The following PLPPR4 variants were observed in gnomAD, a reference collection of about 807,000 sequenced individuals.
PLPPR4 encodes the protein phospholipid phosphatase related 4, also known as phospholipid phosphatase-related protein type 4.
PLPPR4 carries 24 observed loss-of-function variants against 56.6 expected under a neutral mutation model. The observed-to-expected ratio is 0.42, with a 90% CI of 0.31 to 0.60. The LOEUF is 0.60. Among genes scored for constraint, PLPPR4 ranks in the 20% least tolerant of loss-of-function variants. The pLI is 0.13. For synonymous variants in PLPPR4, 326 were observed against 328.1 expected (o/e 0.99, Z 0.07); for missense variants, 654 against 885.8 (o/e 0.74, Z 3.32).
chr1:99,300,846 T>G, intron 4 of PLPPR4, 63 bp from the exon 5 acceptor site: 137 of 1,232,908 alleles, frequency 1.1e-4, no homozygotes, highest in Middle Eastern at 1.9e-4. Context: ...TCAGTGTCTT[T>G]GAGATGATTG....
At chr1:99,302,776 A>G (rs819916) in intron 6 of PLPPR4, among the ~76,000 whole-genome samples, 76,998 of 147,774 alleles carry the variant, frequency 0.52, 20,563 homozygotes, top group African/African-American at 0.64. Flanking sequence ...TTGGTTTTTT[A>G]TCTTTGTGAT....
In PLPPR4 at chr1:99,301,496, T is replaced by C. The variant is rs535651357; in HGVS notation, c.649-228T>C. Among the ~76,000 whole-genome samples the C allele has an allele frequency of 3.9e-5, 6 of 152,156 alleles. No individual in the cohort carries two copies. The East Asian group carries it at 1.2e-3, about 29-fold the overall frequency. On this transcript the variant is annotated intron_variant, in intron 5 of 6. Coordinates refer to ENST00000370185, the MANE Select transcript of PLPPR4 (RefSeq NM_014839.5). ...GAGACTAAACAGTTAAATGGTTAAC[T>C]CTACTGTTTTGGTATTTTTCCAACT...
chr1:99,306,833 C>G lies in PLPPR4; in HGVS notation c.1971C>G (p.Val657=). 1 of 1,614,148 alleles carries G rather than the reference C, an allele frequency of 6.2e-7. No individual in the cohort carries two copies. The highest frequency in any genetic ancestry group is 8.5e-7 in the Non-Finnish European group (1 of 1,180,024). Residue 657 remains valine (V), a synonymous_variant, in exon 7 of 7, where the codon GTC becomes GTG. Transcript: ENST00000370185. The surrounding 1 kb of genome is among the most constrained non-coding windows in gnomAD (Gnocchi z 4.0). ...HHHHGITTIR[V]TPVEGSEIGS... ...ACCACGGAATTACCACCATCCGCGT[C>G]ACCCCAGTAGAGGGCAGCGAAATTG...
intron 2 of PLPPR4, among the ~76,000 whole-genome samples, chr1:99,294,244 G>A (rs1333631768): frequency 1.3e-5 from 2 of 152,168 alleles, no homozygotes. Flanking sequence ...TGACAGAAGT[G>A]AGTGTGAGGA....
intron 2 of PLPPR4, 72 bp downstream of exon 2, chr1:99,288,222 G>T: frequency 1.5e-6 from 2 of 1,376,910 alleles, no homozygotes; most frequent in South Asian, 2.7e-5. Context: ...TATAATAAAT[G>T]GGTTCAAAGC....
chr1:99,265,040 G>A (rs1014968807), intron 1 of PLPPR4, among the ~76,000 whole-genome samples: 2 of 152,160 alleles, frequency 1.3e-5, no homozygotes, highest in Non-Finnish European at 2.9e-5. Flanking sequence ...TCAACCTGCC[G>A]AGTACGTGTC....
chr1:99,283,237 T>C (rs1234371208), intron 1 of PLPPR4, among the ~76,000 whole-genome samples: 1 of 152,120 alleles, frequency 6.6e-6, no homozygotes, highest in Non-Finnish European at 1.5e-5. Flanking sequence ...TATAGGACTC[T>C]GAATTCACAA....
At chr1:99,299,391 TG>T (rs1192013869) in intron 4 of PLPPR4, among the ~76,000 whole-genome samples, 161 bp downstream of exon 4, 1 of 152,078 alleles carries the variant, frequency 6.6e-6, no homozygotes, top group African/African-American at 2.4e-5. Context: ...AGAAACTCAT[TG>T]GGGGCTTATT....
chr1:99,271,899 AGTGTGT>A (rs553822029), intron 1 of PLPPR4, among the ~76,000 whole-genome samples: 3,108 of 118,030 alleles, frequency 0.026, 45 homozygotes, highest in Non-Finnish European at 0.039. Flanking sequence ...GTAGGAGTGA[AGTGTGT>A]GTGTGTGTGT....
chr1:99,274,042 T>C (rs1328178556), intron 1 of PLPPR4, among the ~76,000 whole-genome samples: 1 of 152,102 alleles, frequency 6.6e-6, no homozygotes, highest in Non-Finnish European at 1.5e-5. Context: ...AATAAAGGCA[T>C]CACTGAAGCA....
At chr1:99,273,352 G>T (rs2100785951) in intron 1 of PLPPR4, among the ~76,000 whole-genome samples, 1 of 152,182 alleles carries the variant, frequency 6.6e-6, no homozygotes, top group Non-Finnish European at 1.5e-5. Context: ...TAAAATCAAT[G>T]TATTTGTGGG....
rs548955622 is a variant in PLPPR4 at position 99,309,273 on chromosome 1, G to A, written c.*2263G>A. The A allele has an allele frequency of 4.6e-5, 7 of 152,454 alleles. No individual in the cohort carries two copies. The East Asian group carries it at 1.2e-3, about 25-fold the overall frequency. The allele number at this position is 152,454 out of a possible 1,614,324, so 9.4% of individuals were successfully genotyped here. A position where few individuals can be genotyped will look rare whatever the true frequency, so the allele number is the denominator to read the frequency against. On this transcript the variant is annotated 3_prime_UTR_variant, in exon 7 of 7. Coordinates refer to ENST00000370185, the MANE Select transcript of PLPPR4 (RefSeq NM_014839.5). ...TTTAAAATAAATCAGACTAAAAGGT[G>A]GTATCTCTTCTTAGTGTTCTATTTA...
Position 99,307,038 on chromosome 1 carries a change from C to A in PLPPR4, c.*28C>A. ...GATGTCCATTCCATCATTAGGGCTACTCGCAAAAGACCATATGTTGATTCT... is the reference window on the plus strand; with the variant it reads ...GATGTCCATTCCATCATTAGGGCTAATCGCAAAAGACCATATGTTGATTCT... On this transcript the variant is annotated 3_prime_UTR_variant, in exon 7 of 7. Coordinates refer to ENST00000370185, the MANE Select transcript of PLPPR4 (RefSeq NM_014839.5). 6.4e-7 allele frequency: 1 copy of A among 1,553,312 alleles called. No homozygotes were observed. Among genetic ancestry groups the A allele is most frequent in the Non-Finnish European group, 8.6e-7 (1 of 1,156,714 alleles).
intron 2 of PLPPR4, among the ~76,000 whole-genome samples, chr1:99,292,862 T>C (rs577256510): frequency 6.6e-6 from 1 of 151,978 alleles, no homozygotes; most frequent in African/African-American, 2.4e-5. Flanking sequence ...GCAGTCATCT[T>C]GTTCTAGAAC....
intron 2 of PLPPR4, among the ~76,000 whole-genome samples, chr1:99,295,474 T>G (rs1156600338): frequency 2.0e-5 from 3 of 152,192 alleles, no homozygotes; most frequent in Non-Finnish European, 2.9e-5. Flanking sequence ...AAATCAGGTT[T>G]ATAGTATTTA....
chr1:99,272,305 C>A (rs1659080549), intron 1 of PLPPR4, among the ~76,000 whole-genome samples: 1 of 151,962 alleles, frequency 6.6e-6, no homozygotes, highest in Admixed American at 6.6e-5. Flanking sequence ...TTGGACACAT[C>A]AAGTATGCCA....
chr1:99,273,254 T>G (rs1659103161), intron 1 of PLPPR4, among the ~76,000 whole-genome samples: 1 of 152,114 alleles, frequency 6.6e-6, no homozygotes, highest in Non-Finnish European at 1.5e-5. Context: ...GCTTTCTTAT[T>G]TGCTGTAACA....
upstream of PLPPR4, chr1:99,264,463 G>C: frequency 1.3e-6 from 2 of 1,507,514 alleles, no homozygotes; most frequent in Non-Finnish European, 8.8e-7. Context: ...CAGCGCGCTG[G>C]CTCCAGCGGT....
chr1:99,270,802 TAGA>T (rs1490761831), intron 1 of PLPPR4, among the ~76,000 whole-genome samples: 2 of 152,218 alleles, frequency 1.3e-5, no homozygotes, highest in African/African-American at 4.8e-5. Flanking sequence ...CTAGATTGTA[TAGA>T]AGTAGAGTCT....
Sources: allele counts gnomAD v4.1 joint callset (sites outside exome capture counted in the v4.1 genomes callset), GRCh38; gene constraint gnomAD v4.1.1; non-coding constraint Gnocchi (gnomAD v3.1); transcripts MANE v1.5; gene names NCBI Gene and HGNC (gene_info 2026-07-23, HGNC 2026-07-21).